Variants in CLYBL observed in about 807,000 individuals in gnomAD.
The protein encoded by CLYBL is citramalyl-CoA lyase, mitochondrial.
CLYBL carries 31 observed loss-of-function variants against 38.9 expected under a neutral mutation model. That is an observed-to-expected ratio of 0.80 (90% confidence interval 0.60 to 1.08). The LOEUF (loss-of-function observed/expected upper bound fraction) is 1.08, where lower values mean the gene tolerates loss of function less well. CLYBL is among the 50% of genes least tolerant of loss of function. The probability of loss-of-function intolerance (pLI) is 0.00; values close to 1 mark genes in which losing one functional copy is unlikely to be tolerated. For missense variants in CLYBL, 434 were observed against 411.6 expected, an observed-to-expected ratio of 1.05 and a Z score of -0.47; for synonymous variants, 171 against 158.6, an observed-to-expected ratio of 1.08 and a Z score of -0.59.
At chr13:99,840,148 A>T (rs922465791) in intron 2 of CLYBL, among the ~76,000 whole-genome samples, 1 of 151,756 alleles carries the variant, frequency 6.6e-6, no homozygotes, top group Admixed American at 6.6e-5. Context: ...TAGAGACAAG[A>T]CTAACAACCC....
intron 2 of CLYBL, among the ~76,000 whole-genome samples, chr13:99,841,397 T>TTA (rs1555316431): frequency 6.6e-6 from 1 of 151,872 alleles, no homozygotes; most frequent in Non-Finnish European, 1.5e-5. Flanking sequence ...ATACATACTT[T>TTA]TTTTTTTTAT....
At chr13:99,829,187 G>A (rs567378217) in intron 2 of CLYBL, among the ~76,000 whole-genome samples, 7 of 152,324 alleles carry the variant, frequency 4.6e-5, no homozygotes, top group South Asian at 4.1e-4. Context: ...TTTCACCCAA[G>A]GCTCCAGGTC....
At chr13:99,758,944 A>G (rs2049115563) in intron 1 of CLYBL, among the ~76,000 whole-genome samples, 2 of 152,170 alleles carry the variant, frequency 1.3e-5, no homozygotes, top group Non-Finnish European at 2.9e-5. Flanking sequence ...GCTCAGGGCC[A>G]CTGGATACAG....
intron 2 of CLYBL, among the ~76,000 whole-genome samples, chr13:99,855,656 G>GT (rs1466435347): frequency 1.4e-5 from 2 of 147,864 alleles, no homozygotes; most frequent in African/African-American, 2.4e-5. Flanking sequence ...TGGGTGGACT[G>GT]TGACTCTCTC....
At chr13:99,771,681 T>G (rs1441857708) in intron 1 of CLYBL, among the ~76,000 whole-genome samples, 1 of 152,242 alleles carries the variant, frequency 6.6e-6, no homozygotes, top group East Asian at 1.9e-4. Flanking sequence ...CACTTTTTAT[T>G]TCTACCAGAG....
intron 1 of CLYBL, among the ~76,000 whole-genome samples, chr13:99,625,217 C>T (rs1047664868): frequency 6.6e-6 from 1 of 152,232 alleles, no homozygotes; most frequent in African/African-American, 2.4e-5. Flanking sequence ...TTTACTCACC[C>T]CTGTCCCTTC....
Position 99,754,087 on chromosome 13 carries a change from CAAAAAAAA to C in CLYBL, c.63-18716_63-18709del, listed in dbSNP as rs71121003. The stretch of plus-strand genomic sequence containing the variant: ...GGGCGACAAGAGCGAAACTCGGTCT[CAAAAAAAA>C]AAAAAAAAAAAAAAAAAAAAGTATT... On this transcript the variant is annotated intron_variant, in intron 1 of 8. Coordinates refer to ENST00000339105, the MANE Select transcript of CLYBL (RefSeq NM_206808.5). 2.6e-4 allele frequency among the ~76,000 whole-genome samples: 12 copies of C among 45,416 alleles called. No homozygotes were observed. In the South Asian group the frequency reaches 2.7e-3, roughly 10 times the overall value. The allele number at this position is 45,416 out of a possible 152,430, so 29.8% of individuals were successfully genotyped here.
chr13:99,637,002 C>T (rs1187741465), intron 1 of CLYBL, among the ~76,000 whole-genome samples: 2 of 152,162 alleles, frequency 1.3e-5, no homozygotes, highest in Non-Finnish European at 2.9e-5. Flanking sequence ...TTCTCAGCTT[C>T]CTGAGTAGCT....
At chr13:99,661,561 CTTTT>C (rs1364123154) in intron 1 of CLYBL, among the ~76,000 whole-genome samples, 5 of 151,998 alleles carry the variant, frequency 3.3e-5, no homozygotes, top group African/African-American at 1.2e-4. Context: ...TTTAATATAA[CTTTT>C]TTATTTTGAA....
rs2051279711 is a variant in CLYBL, at chr13:99,849,385, T to G, written c.250-9476T>G. On this transcript the variant is annotated intron_variant, in intron 2 of 8. Coordinates refer to ENST00000339105, the MANE Select transcript of CLYBL (RefSeq NM_206808.5). This position sits in a 1 kb window ranked among gnomAD's most constrained non-coding sequence, Gnocchi z 4.9. ...ATAATTATCTGGGTATGGTGGTGCA[T>G]GCCTGTAGTCACAGCTACTCAGGAG... is the stretch of plus-strand genomic sequence containing the variant. Among the ~76,000 whole-genome samples the G allele has an allele frequency of 6.6e-6, 1 of 152,066 alleles. No individual in the cohort carries two copies. Among genetic ancestry groups the G allele is most frequent in the Non-Finnish European group, 1.5e-5 (1 of 68,006 alleles).
intron 2 of CLYBL, among the ~76,000 whole-genome samples, chr13:99,779,301 C>T (rs938867165): frequency 4.6e-5 from 7 of 152,032 alleles, no homozygotes; most frequent in African/African-American, 1.2e-4. Flanking sequence ...TGCCACCACG[C>T]CCAGTTAATT....
At chr13:99,631,891 G>A (rs544555096) in intron 1 of CLYBL, among the ~76,000 whole-genome samples, 3 of 152,108 alleles carry the variant, frequency 2.0e-5, no homozygotes, top group Admixed American at 6.5e-5. Context: ...GTGAGCCACC[G>A]CACCTGGCCA....
chr13:99,609,398 A>G (rs1163738285), intron 1 of CLYBL, among the ~76,000 whole-genome samples: 2 of 151,858 alleles, frequency 1.3e-5, no homozygotes, highest in African/African-American at 4.8e-5. Flanking sequence ...GATGGTCTCG[A>G]TCTTCTGACC....
chr13:99,706,851 A>G (rs955689268), intron 1 of CLYBL, among the ~76,000 whole-genome samples: 4 of 152,124 alleles, frequency 2.6e-5, no homozygotes, highest in African/African-American at 9.7e-5. Flanking sequence ...GTTGTCATCC[A>G]GACTGGAATG....
intron 1 of CLYBL, among the ~76,000 whole-genome samples, chr13:99,641,610 C>G (rs189979045): frequency 6.6e-6 from 1 of 151,362 alleles, no homozygotes; most frequent in Admixed American, 6.6e-5. Flanking sequence ...CAAGACCATC[C>G]TGGCTAGCAC....
At chr13:99,784,014 C>T (rs776362692) in intron 2 of CLYBL, 4 of 152,160 alleles carry the variant, frequency 2.6e-5, no homozygotes, top group Non-Finnish European at 5.9e-5. Flanking sequence ...TTTCTGCTGA[C>T]TCTTACTTAT....
chr13:99,801,673 G>C (rs568421738), intron 2 of CLYBL, among the ~76,000 whole-genome samples: 4 of 152,126 alleles, frequency 2.6e-5, no homozygotes, highest in African/African-American at 7.2e-5. Flanking sequence ...CACTTTCTGC[G>C]TATGCTAAGG....
Position 99,863,088 on chromosome 13 carries a change from T to C in CLYBL, c.536T>C (p.Phe179Ser). The change falls in exon 4 of 9, where the codon TTT becomes TCT. Residue 179 changes from phenylalanine to serine, a missense_variant. Phe to Ser is a radical substitution (Grantham distance 155, BLOSUM62 -2). Transcript: ENST00000339105. ...FVETAMGLLNFKAVCEETLKV... is the reference protein window; with the variant it reads ...FVETAMGLLNSKAVCEETLKV... Reference sequence around the variant, plus strand: ...GAAACTGCAATGGGTTTGCTCAATTTTAAGGTAAGGAAGCCATAATACGGT... The same window carrying C: ...GAAACTGCAATGGGTTTGCTCAATTCTAAGGTAAGGAAGCCATAATACGGT... 6.3e-7 allele frequency: 1 copy of C among 1,577,866 alleles called. No homozygotes were observed. Among genetic ancestry groups the C allele is most frequent in the Non-Finnish European group, 8.7e-7 (1 of 1,151,776 alleles).
At chr13:99,670,479 A>G (rs2047549583) in intron 1 of CLYBL, among the ~76,000 whole-genome samples, 1 of 152,152 alleles carries the variant, frequency 6.6e-6, no homozygotes, top group Non-Finnish European at 1.5e-5. Context: ...CTGAAACAAA[A>G]CTTACCTGCA....
Sources: allele counts gnomAD v4.1 joint callset (sites outside exome capture counted in the v4.1 genomes callset), GRCh38; gene constraint gnomAD v4.1.1; non-coding constraint Gnocchi (gnomAD v3.1); transcripts MANE v1.5; gene names NCBI Gene and HGNC (gene_info 2026-07-23, HGNC 2026-07-21).